RBMS2: variants seen among roughly 807,000 people sequenced by gnomAD.
RBMS2 encodes RNA binding motif single stranded interacting protein 2.
In RBMS2, 38 loss-of-function variants were observed where a neutral mutation model predicts 58.4. The ratio of observed to expected loss-of-function variants is 0.65; its 90% CI spans 0.50 to 0.85. The LOEUF is 0.85. Ranked by LOEUF, RBMS2 falls within the 40% of genes least tolerant of loss-of-function variation. The probability of loss-of-function intolerance (pLI) is 0.00; values close to 1 mark genes in which losing one functional copy is unlikely to be tolerated. For missense variants in RBMS2, 367 were observed against 503.7 expected, an observed-to-expected ratio of 0.73 and a Z score of 2.60; for synonymous variants, 151 against 180.7, an observed-to-expected ratio of 0.84 and a Z score of 1.32.
At chr12:56,583,201 C>T (rs1179757434) in intron 9 of RBMS2, among the ~76,000 whole-genome samples, 1 of 151,978 alleles carries the variant, frequency 6.6e-6, no homozygotes, top group African/African-American at 2.4e-5. Context: ...GGCTAGAGTC[C>T]CAGGAGGTGG....
At chr12:56,581,587 G>T in intron 7 of RBMS2, 79 bp downstream of exon 7, 1 of 1,433,180 alleles carries the variant, frequency 7.0e-7, no homozygotes, top group East Asian at 2.3e-5. Context: ...ATTTCTGTGA[G>T]CTTAGGTGGA....
At chr12:56,526,463 G>A (rs1044124532) in intron 1 of RBMS2, among the ~76,000 whole-genome samples, 1 of 151,918 alleles carries the variant, frequency 6.6e-6, no homozygotes, top group Non-Finnish European at 1.5e-5. Flanking sequence ...GGTAAATATG[G>A]GAATGCCGTC....
At chr12:56,537,280 T>G (rs1875090128) in intron 1 of RBMS2, among the ~76,000 whole-genome samples, 1 of 152,186 alleles carries the variant, frequency 6.6e-6, no homozygotes, top group Non-Finnish European at 1.5e-5. Flanking sequence ...TACATTGTTG[T>G]GCAACCCATC....
chr12:56,520,784 G>A (rs543399385), upstream of RBMS2, among the ~76,000 whole-genome samples: 5 of 151,764 alleles, frequency 3.3e-5, no homozygotes, highest in East Asian at 5.8e-4. Context: ...CATCCCAACT[G>A]TAGACTTCAA....
intron 11 of RBMS2, 80 bp downstream of exon 11, chr12:56,587,744 T>A: frequency 8.8e-6 from 13 of 1,470,422 alleles, no homozygotes; most frequent in Non-Finnish European, 1.2e-5. Flanking sequence ...GTAAGTAACT[T>A]ATGAATAATG....
chr12:56,565,773 G>T (rs1406559513), intron 2 of RBMS2, among the ~76,000 whole-genome samples: 2 of 152,062 alleles, frequency 1.3e-5, no homozygotes, highest in Non-Finnish European at 2.9e-5. Flanking sequence ...TCCCTGGGTT[G>T]TAGAGGAAGT....
chr12:56,553,585 C>T (rs1489371640), intron 1 of RBMS2, among the ~76,000 whole-genome samples: 1 of 151,868 alleles, frequency 6.6e-6, no homozygotes, highest in Non-Finnish European at 1.5e-5. Context: ...ACGATGGCCT[C>T]CTAAAGTGCT....
At chr12:56,530,350 CTTTTTTTTTTTT>C (rs71081373) in intron 1 of RBMS2, among the ~76,000 whole-genome samples, 32 of 63,780 alleles carry the variant, frequency 5.0e-4, no homozygotes, top group Admixed American at 4.3e-3. Context: ...TTTCTTTTTC[CTTTTTTTTTTTT>C]TTTTTTTTTT....
rs979994499 is a variant in RBMS2, at chr12:56,586,668, T to C, written c.874-181T>C. Among the ~76,000 whole-genome samples, 3 of 152,154 alleles carry C rather than the reference T, an allele frequency of 2.0e-5. No homozygotes were observed. The East Asian group carries it at 5.8e-4, about 29-fold the overall frequency. On this transcript the variant is annotated intron_variant, in intron 9 of 13. Transcript: ENST00000262031. ...ATAATTTTGAACTCCTTTTTGCCCTTTTTTAAACTGGATTATTTATTGAGT... is the reference window on the plus strand; with the variant it reads ...ATAATTTTGAACTCCTTTTTGCCCTCTTTTAAACTGGATTATTTATTGAGT...
At chr12:56,522,581 G>A (rs943322418) in intron 1 of RBMS2, among the ~76,000 whole-genome samples, 1 of 152,122 alleles carries the variant, frequency 6.6e-6, no homozygotes, top group Non-Finnish European at 1.5e-5. Flanking sequence ...CAAGAGCTGG[G>A]TATACTCTTC....
At chr12:56,562,389 T>G in intron 1 of RBMS2, 28 bp from the exon 2 acceptor site, 2 of 1,573,132 alleles carry the variant, frequency 1.3e-6, no homozygotes, top group South Asian at 2.2e-5. Context: ...GGATAATCCT[T>G]CTACCTCTTC....
At chr12:56,535,387 C>T (rs542758219) in intron 1 of RBMS2, among the ~76,000 whole-genome samples, 15 of 149,074 alleles carry the variant, frequency 1.0e-4, no homozygotes, top group South Asian at 2.1e-4. Context: ...CCCAGCTACT[C>T]GGGAGGCTGA....
chr12:56,555,002 C>A (rs67036743), intron 1 of RBMS2, among the ~76,000 whole-genome samples: 50,950 of 151,148 alleles, frequency 0.34, 8,749 homozygotes, highest in South Asian at 0.52. Context: ...TATCCTTGTA[C>A]ATATATATTT....
chr12:56,586,425 A>G (rs1302985817), intron 9 of RBMS2, among the ~76,000 whole-genome samples: 1 of 152,166 alleles, frequency 6.6e-6, no homozygotes, highest in Non-Finnish European at 1.5e-5. Context: ...GTCTCAAAAA[A>G]TAGAAATAAT....
At chr12:56,526,906 T>C (rs913219906) in intron 1 of RBMS2, among the ~76,000 whole-genome samples, 2 of 152,144 alleles carry the variant, frequency 1.3e-5, no homozygotes, top group African/African-American at 4.8e-5. Context: ...CCATTTCCTT[T>C]GGAAAAAAAG....
chr12:56,581,679 C>G, intron 7 of RBMS2, 154 bp from the exon 8 acceptor site: 5 of 1,151,296 alleles, frequency 4.3e-6, no homozygotes, highest in Non-Finnish European at 6.3e-6. Flanking sequence ...GGCTTTGCGG[C>G]CTGCACAATT....
intron 12 of RBMS2, chr12:56,588,709 G>A: frequency 1.7e-6 from 1 of 598,624 alleles, no homozygotes; most frequent in South Asian, 2.1e-5. Flanking sequence ...GCCAGTAGTT[G>A]ACACCAGGAT....
intron 1 of RBMS2, among the ~76,000 whole-genome samples, chr12:56,548,680 G>A (rs1015107225): frequency 6.6e-6 from 1 of 152,118 alleles, no homozygotes; most frequent in African/African-American, 2.4e-5. Flanking sequence ...CCACATTCCC[G>A]TTGCATTAGG....
At chr12:56,581,362 T>C (rs1202910798) in intron 6 of RBMS2, 37 bp from the exon 7 acceptor site, 1 of 1,604,166 alleles carries the variant, frequency 6.2e-7, no homozygotes, top group Non-Finnish European at 8.5e-7. Flanking sequence ...CCACATGAGG[T>C]GGGACTCAGC....
Sources: allele counts gnomAD v4.1 joint callset (sites outside exome capture counted in the v4.1 genomes callset), GRCh38; gene constraint gnomAD v4.1.1; transcripts MANE v1.5; gene names NCBI Gene and HGNC (gene_info 2026-07-23, HGNC 2026-07-21).